The following SCML4 variants were observed in gnomAD, a reference collection of about 807,000 sequenced individuals.
SCML4 encodes the protein sex comb on midleg-like protein 4.
Under a neutral mutation model 41.1 loss-of-function variants are expected in SCML4, and 34 were observed. The ratio of observed to expected loss-of-function variants is 0.83; its 90% CI spans 0.63 to 1.10. The LOEUF (loss-of-function observed/expected upper bound fraction) is 1.10, where lower values mean the gene tolerates loss of function less well. Among genes scored for constraint, SCML4 ranks in the 50% least tolerant of loss-of-function variants. The pLI, the probability that SCML4 is intolerant of heterozygous loss-of-function variation, is 0.00. For synonymous variants in SCML4, 214 were observed against 220.9 expected (o/e 0.97, Z 0.28); for missense variants, 522 against 534.1 (o/e 0.98, Z 0.22).
At chr6:107,816,171 G>A (rs758553712) in intron 1 of SCML4, among the ~76,000 whole-genome samples, 11 of 152,228 alleles carry the variant, frequency 7.2e-5, no homozygotes, top group Non-Finnish European at 1.5e-4. Context: ...CCATTTGTAT[G>A]TTGGCAGTAA....
At chr6:107,773,708 G>A (rs943230619) in intron 1 of SCML4, among the ~76,000 whole-genome samples, 3 of 152,112 alleles carry the variant, frequency 2.0e-5, no homozygotes, top group African/African-American at 7.2e-5. Flanking sequence ...GAGTTCAGGG[G>A]TCAGACTTCC....
intron 2 of SCML4, among the ~76,000 whole-genome samples, chr6:107,757,358 CT>C (rs1482084356): frequency 1.3e-5 from 2 of 152,162 alleles, no homozygotes; most frequent in African/African-American, 4.8e-5. Context: ...AAACATCTGG[CT>C]TTGGCAGTAA....
intron 6 of SCML4, among the ~76,000 whole-genome samples, chr6:107,717,832 A>G (rs3851215): frequency 0.65 from 99,429 of 152,168 alleles, 33,548 homozygotes; most frequent in Admixed American, 0.77. Flanking sequence ...GCAGGCATGA[A>G]CCATCGTGCC....
At chr6:107,776,491 C>T (rs1397572564) in intron 1 of SCML4, among the ~76,000 whole-genome samples, 1 of 152,170 alleles carries the variant, frequency 6.6e-6, no homozygotes, top group Admixed American at 6.5e-5. Flanking sequence ...AGATTCTGCA[C>T]TTTATTGCCA....
intron 1 of SCML4, among the ~76,000 whole-genome samples, chr6:107,802,911 T>C (rs920816494): frequency 6.6e-6 from 1 of 151,454 alleles, no homozygotes; most frequent in African/African-American, 2.4e-5. Flanking sequence ...GCCTGACTGG[T>C]TTTCGTATTT....
intron 1 of SCML4, among the ~76,000 whole-genome samples, chr6:107,807,999 A>T (rs568896652): frequency 2.0e-5 from 3 of 152,330 alleles, no homozygotes; most frequent in Non-Finnish European, 2.9e-5. Flanking sequence ...AACTTCACTG[A>T]TCACGTTGTT....
At chr6:107,809,995 T>G (rs902751128) in intron 1 of SCML4, among the ~76,000 whole-genome samples, 1 of 152,196 alleles carries the variant, frequency 6.6e-6, no homozygotes, top group African/African-American at 2.4e-5. Context: ...GGCGTCTCTC[T>G]GTGCCAGGCA....
rs987008532 is a variant in SCML4 at position 107,719,880 on chromosome 6, T to A, written c.973+823A>T. The A allele has an allele frequency of 4.1e-6, 4 of 984,856 alleles. No individual in the cohort carries two copies. In the African/African-American group the frequency reaches 5.2e-5, roughly 13 times the overall value. 61.0% of individuals were successfully genotyped at this position (984,856 alleles called of 1,614,324 possible). On this transcript the variant is annotated intron_variant, in intron 6 of 7. Coordinates refer to ENST00000369020, the MANE Select transcript of SCML4 (RefSeq NM_198081.5). ...ATTATCCACTATACTCTATGGCCTTTAGGCACTATCAAAATACTGAAGCTT... is the reference window on the plus strand; with the variant it reads ...ATTATCCACTATACTCTATGGCCTTAAGGCACTATCAAAATACTGAAGCTT...
Position 107,746,841 on chromosome 6 carries a change from C to A in SCML4, c.335G>T (p.Arg112Met). The stretch of plus-strand genomic sequence containing the variant: ...CTCCGGGAGCTGCTGCACCTTCTTC[C>A]TCTCCAGATAGGGCCCCGCATTGGC... ...KQANAGPYLE[R>M]KKVQQLPEHF... Residue 112 changes from arginine (R) to methionine (M), a missense_variant, in exon 4 of 8, where the codon AGG becomes ATG. Transcript: ENST00000369020. 1 of 1,614,088 alleles carries A rather than the reference C, an allele frequency of 6.2e-7. No individual in the cohort carries two copies. Among genetic ancestry groups the A allele is most frequent in the African/African-American group, 1.3e-5 (1 of 75,066 alleles).
At chr6:107,755,610 A>C in intron 2 of SCML4, 1 of 1,348,148 alleles carries the variant, frequency 7.4e-7, no homozygotes. Flanking sequence ...GCCTGTCGCA[A>C]CCTATCCAAG....
At chr6:107,803,551 C>T (rs1302164178) in intron 1 of SCML4, among the ~76,000 whole-genome samples, 1 of 148,496 alleles carries the variant, frequency 6.7e-6, no homozygotes, top group Non-Finnish European at 1.5e-5. Flanking sequence ...GGGAGGTGTA[C>T]TCAACAGCTC....
chr6:107,751,288 C>A (rs776218873), intron 2 of SCML4, among the ~76,000 whole-genome samples: 7 of 152,118 alleles, frequency 4.6e-5, no homozygotes, highest in Non-Finnish European at 8.8e-5. Flanking sequence ...GAGGTTGAGG[C>A]ATTTCTTGGG....
intron 3 of SCML4, among the ~76,000 whole-genome samples, chr6:107,748,283 T>C (rs1778313671): frequency 6.6e-6 from 1 of 152,202 alleles, no homozygotes; most frequent in African/African-American, 2.4e-5. Flanking sequence ...CCCATAAGCA[T>C]CTTACCTTAG....
At chr6:107,737,003 T>C (rs1777138892) in intron 5 of SCML4, among the ~76,000 whole-genome samples, 2 of 152,260 alleles carry the variant, frequency 1.3e-5, no homozygotes, top group Admixed American at 1.3e-4. Flanking sequence ...AATTAGATCT[T>C]GCAGAATAGT....
At chr6:107,731,374 C>CA (rs1384153611) in intron 5 of SCML4, among the ~76,000 whole-genome samples, 6 of 152,206 alleles carry the variant, frequency 3.9e-5, no homozygotes, top group African/African-American at 1.4e-4. Context: ...TTCCACTATG[C>CA]AAAATTATTC....
At chr6:107,815,164 G>A (rs1309027755) in intron 1 of SCML4, among the ~76,000 whole-genome samples, 1 of 152,156 alleles carries the variant, frequency 6.6e-6, no homozygotes, top group African/African-American at 2.4e-5. Context: ...TGATCCACAG[G>A]TGCTCAACAG....
At chr6:107,741,325 A>T (rs1777579583) in intron 5 of SCML4, among the ~76,000 whole-genome samples, 1 of 152,202 alleles carries the variant, frequency 6.6e-6, no homozygotes, top group Non-Finnish European at 1.5e-5. Flanking sequence ...AGCACCAAGC[A>T]TGCAGAAAAA....
chr6:107,845,511 T>G, the SCML4 span, among the ~76,000 whole-genome samples: 1,731 of 152,356 alleles, frequency 0.011, 20 homozygotes, highest in Non-Finnish European at 0.013. Context: ...GATTCTTTTT[T>G]CTTTTCAAAC....
chr6:107,810,899 C>T (rs1784114555), intron 1 of SCML4, among the ~76,000 whole-genome samples: 1 of 152,092 alleles, frequency 6.6e-6, no homozygotes, highest in Non-Finnish European at 1.5e-5. Flanking sequence ...CCTCATCCTC[C>T]CGAAGTGCTG....
Sources: allele counts gnomAD v4.1 joint callset (sites outside exome capture counted in the v4.1 genomes callset), GRCh38; gene constraint gnomAD v4.1.1; transcripts MANE v1.5; gene names NCBI Gene and HGNC (gene_info 2026-07-23, HGNC 2026-07-21).